The following DHRSX variants were observed in gnomAD, a reference collection of about 807,000 sequenced individuals.
The protein encoded by DHRSX is polyprenol dehydrogenase.
DHRSX carries 31 observed loss-of-function variants against 34.0 expected under a neutral mutation model. The observed-to-expected ratio is 0.91, with a 90% CI of 0.69 to 1.23. DHRSX has a LOEUF of 1.23. DHRSX is among the 50% of genes most tolerant of loss of function. DHRSX has a pLI of 0.00. For synonymous variants in DHRSX, 201 were observed against 183.8 expected (o/e 1.09, Z -0.76); for missense variants, 414 against 428.1 (o/e 0.97, Z 0.29).
chrX:2,418,645 A>C (rs751389020), intron 2 of DHRSX, among the ~76,000 whole-genome samples: 1 of 152,206 alleles, frequency 6.6e-6, no homozygotes, highest in Non-Finnish European at 1.5e-5. Context: ...TCTTTGTTCA[A>C]CCTTGAGGGT....
intron 4 of DHRSX, among the ~76,000 whole-genome samples, chrX:2,289,559 C>G (rs2041843278): frequency 6.6e-6 from 1 of 152,166 alleles, no homozygotes; most frequent in South Asian, 2.1e-4. Flanking sequence ...GTATGTATTT[C>G]CATCTCCAAC....
At chrX:2,411,386 T>C (rs999531181) in intron 2 of DHRSX, among the ~76,000 whole-genome samples, 2 of 151,538 alleles carry the variant, frequency 1.3e-5, no homozygotes, top group African/African-American at 4.9e-5. Flanking sequence ...CCATCTCTAC[T>C]AAAAACACAA....
intron 4 of DHRSX, among the ~76,000 whole-genome samples, chrX:2,276,657 G>A (rs1057396891): frequency 6.6e-6 from 1 of 151,926 alleles, no homozygotes; most frequent in Non-Finnish European, 1.5e-5. Context: ...TCCTGAACGG[G>A]AGGAGAAGGG....
intron 3 of DHRSX, among the ~76,000 whole-genome samples, chrX:2,370,955 T>A (rs1244007116): frequency 1.3e-5 from 2 of 152,114 alleles, no homozygotes; most frequent in Admixed American, 1.3e-4. Flanking sequence ...GTTCCGAGCA[T>A]CACGTGCCTG....
intron 1 of DHRSX, chrX:2,489,292 G>A (rs147862092): frequency 6.2e-7 from 1 of 1,613,932 alleles, no homozygotes; most frequent in East Asian, 2.2e-5. Context: ...TGTAGCGGGG[G>A]TCCAGGAAGG....
chrX:2,381,219 G>A (rs1246231136), intron 3 of DHRSX, among the ~76,000 whole-genome samples: 1 of 152,130 alleles, frequency 6.6e-6, no homozygotes, highest in Non-Finnish European at 1.5e-5. Flanking sequence ...AAGAGGTGGA[G>A]CCCTTTAAGA....
intron 1 of DHRSX, among the ~76,000 whole-genome samples, chrX:2,434,299 G>C (rs2043966208): frequency 6.6e-6 from 1 of 152,186 alleles, no homozygotes; most frequent in Admixed American, 6.5e-5. Context: ...GGAGAAGTTA[G>C]AAGTTTACAT....
At chrX:2,289,855 T>C (rs2041846215) in intron 4 of DHRSX, among the ~76,000 whole-genome samples, 1 of 152,198 alleles carries the variant, frequency 6.6e-6, no homozygotes, top group Non-Finnish European at 1.5e-5. Context: ...CTGAAAAGTG[T>C]TATTGATCTC....
chrX:2,370,825 A>G (rs2124599211), intron 3 of DHRSX, among the ~76,000 whole-genome samples: 1 of 152,274 alleles, frequency 6.6e-6, no homozygotes, highest in Non-Finnish European at 1.5e-5. Flanking sequence ...CACCTGGAGC[A>G]AACGTCAGAG....
chrX:2,342,102 G>A (rs1376794777), intron 3 of DHRSX, among the ~76,000 whole-genome samples: 3 of 152,162 alleles, frequency 2.0e-5, no homozygotes, highest in Middle Eastern at 3.4e-3. Context: ...CACCTCGCCC[G>A]GCCGATTTAG....
At chrX:2,330,388 G>A (rs1217270627) in intron 3 of DHRSX, among the ~76,000 whole-genome samples, 1 of 151,638 alleles carries the variant, frequency 6.6e-6, no homozygotes, top group East Asian at 1.9e-4. Context: ...GGGCAGGGTG[G>A]TGCATGCCTG....
intron 4 of DHRSX, among the ~76,000 whole-genome samples, chrX:2,285,593 GGT>G (rs1266476710): frequency 2.0e-5 from 3 of 152,072 alleles, no homozygotes; most frequent in African/African-American, 7.2e-5. Context: ...CTGTGCGGCC[GGT>G]GTCCTAACAG....
At chrX:2,421,799 A>G (rs1224093731) in intron 2 of DHRSX, among the ~76,000 whole-genome samples, 1 of 152,244 alleles carries the variant, frequency 6.6e-6, no homozygotes, top group East Asian at 1.9e-4. Context: ...CATGAGGCCC[A>G]GGACCAGAGC....
intron 6 of DHRSX, among the ~76,000 whole-genome samples, chrX:2,229,657 C>G (rs2015820670): frequency 6.6e-6 from 1 of 151,048 alleles, no homozygotes; most frequent in Non-Finnish European, 1.5e-5. Flanking sequence ...ATGTGCATGT[C>G]TGTATGTATA....
At chrX:2,233,197 C>T (rs1371516609) in intron 6 of DHRSX, among the ~76,000 whole-genome samples, 3 of 152,124 alleles carry the variant, frequency 2.0e-5, no homozygotes, top group African/African-American at 2.4e-5. Context: ...CATTATCTGC[C>T]GCTGTGCAGC....
At chrX:2,419,640 C>G (rs1350698560) in intron 2 of DHRSX, among the ~76,000 whole-genome samples, 1 of 151,892 alleles carries the variant, frequency 6.6e-6, no homozygotes, top group Non-Finnish European at 1.5e-5. Flanking sequence ...ATGCAGCCAT[C>G]AAAAATGATG....
At chrX:2,314,800 T>TGGAGGAGCTTCTGTCCTGAAATTTACCC (rs1185684669) in intron 3 of DHRSX, among the ~76,000 whole-genome samples, 2 of 152,158 alleles carry the variant, frequency 1.3e-5, no homozygotes, top group African/African-American at 4.8e-5. Flanking sequence ...TGATTTTGCC[T>TGGAGGAGCTTCTGTCCTGAAATTTACCC]GGAGCAGCTT....
At chrX:2,260,088 GACCCTGT>G (rs1286428478) in intron 5 of DHRSX, among the ~76,000 whole-genome samples, 2 of 150,022 alleles carry the variant, frequency 1.3e-5, no homozygotes, top group South Asian at 4.2e-4. Flanking sequence ...GGGCATCCCT[GACCCTGT>G]GGCTGCATCA....
chrX:2,364,899 TTATC>T (rs1488646915), intron 3 of DHRSX, among the ~76,000 whole-genome samples: 2 of 152,212 alleles, frequency 1.3e-5, no homozygotes, highest in Non-Finnish European at 2.9e-5. Flanking sequence ...TATCTAGCTA[TTATC>T]TATCTAGCTA....
Sources: allele counts gnomAD v4.1 joint callset (sites outside exome capture counted in the v4.1 genomes callset), GRCh38; gene constraint gnomAD v4.1.1; transcripts MANE v1.5; gene names NCBI Gene and HGNC (gene_info 2026-07-23, HGNC 2026-07-21).